RFX3: variants seen among roughly 807,000 people sequenced by gnomAD.
RFX3 encodes the protein transcription factor RFX3.
In RFX3, 14 loss-of-function variants were observed where a neutral mutation model predicts 98.6. The ratio of observed to expected loss-of-function variants is 0.14; its 90% CI spans 0.09 to 0.22. The LOEUF is 0.22. Ranked by LOEUF, RFX3 falls within the 10% of genes least tolerant of loss-of-function variation. The pLI is 1.00. For synonymous variants in RFX3, 383 were observed against 328.4 expected (o/e 1.17, Z -1.80); for missense variants, 639 against 926.9 (o/e 0.69, Z 4.03).
chr9:3,393,530 C>T (rs1159212698), intron 2 of RFX3, among the ~76,000 whole-genome samples: 1 of 151,734 alleles, frequency 6.6e-6, no homozygotes, highest in Non-Finnish European at 1.5e-5. Context: ...TTCAACATTG[C>T]CTTTAAAAAG....
rs185898940 is a variant in RFX3 at position 3,523,994 on chromosome 9, C to A, written c.-9+1753G>T. Among the ~76,000 whole-genome samples, 265 of 152,216 alleles carry A rather than the reference C, an allele frequency of 1.7e-3. 2 individuals are homozygous for A. Among genetic ancestry groups the A allele is most frequent in the Middle Eastern group, 3.4e-3 (1 of 294 alleles). On this transcript the variant is annotated intron_variant, in intron 1 of 16. Coordinates refer to ENST00000617270, the MANE Select transcript of RFX3 (RefSeq NM_001282116.2). ...CCTTAATAGCATTATAATTACCCAC[C>A]CTGCTCGTTGACAATCTCAAGAATA...
chr9:3,251,952 G>A (rs1473750691), intron 14 of RFX3, among the ~76,000 whole-genome samples: 1 of 151,996 alleles, frequency 6.6e-6, no homozygotes, highest in Admixed American at 6.6e-5. Flanking sequence ...GGGTTCAAGC[G>A]ATTCTCCTGC....
At chr9:3,367,051 C>T (rs1431986828) in intron 2 of RFX3, among the ~76,000 whole-genome samples, 1 of 151,872 alleles carries the variant, frequency 6.6e-6, no homozygotes, top group Non-Finnish European at 1.5e-5. Context: ...TCTAAAAATG[C>T]CTCCCCCTCA....
chr9:3,265,234 C>G (rs551754716), intron 12 of RFX3, among the ~76,000 whole-genome samples: 1 of 152,250 alleles, frequency 6.6e-6, no homozygotes, highest in African/African-American at 2.4e-5. Context: ...ATTTAAAATT[C>G]TAATTTAAAT....
rs144563586 is a variant in RFX3 at position 3,317,099 on chromosome 9, T to C, written c.474+13160A>G. 9.7e-3 allele frequency among the ~76,000 whole-genome samples: 1,481 copies of C among 152,200 alleles called. 16 individuals carry two copies. Among genetic ancestry groups the C allele is most frequent in the African/African-American group, 0.034 (1,400 of 41,544 alleles). ...CAAAAGAACAAAGCTGGAGGCATCA[T>C]GCTACCTGACTTCAAACTATACTAC... is the stretch of plus-strand genomic sequence containing the variant. On this transcript the variant is annotated intron_variant, in intron 4 of 16. Coordinates refer to ENST00000617270, the MANE Select transcript of RFX3 (RefSeq NM_001282116.2).
intron 2 of RFX3, among the ~76,000 whole-genome samples, chr9:3,374,568 G>A (rs1838237856): frequency 6.6e-6 from 1 of 152,148 alleles, no homozygotes; most frequent in African/African-American, 2.4e-5. Context: ...CTACAACACG[G>A]ATGAACTTTG....
At chr9:3,424,057 G>C (rs191736938) in intron 1 of RFX3, among the ~76,000 whole-genome samples, 1,696 of 151,062 alleles carry the variant, frequency 0.011, 35 homozygotes, top group African/African-American at 0.039. Flanking sequence ...TGAGGCAGGA[G>C]AATGACGTGA....
At position 3,524,446 on chromosome 9, in the gene RFX3, G is replaced by C. The variant is rs942767359; in HGVS notation, c.-9+1301C>G. On this transcript the variant is annotated intron_variant, in intron 1 of 16. Coordinates refer to ENST00000617270, the MANE Select transcript of RFX3 (RefSeq NM_001282116.2). ...AATATGTTAAGTACACACATGCCTA[G>C]ATCTTAACCAGAAAGAAAGTGAAAT... 1.0e-5 allele frequency: 9 copies of C among 867,638 alleles called. No individual in the cohort carries two copies. In the African/African-American group the frequency reaches 1.1e-4, roughly 11 times the overall value. 53.7% of individuals were successfully genotyped at this position (867,638 alleles called of 1,614,324 possible).
chr9:3,256,721 G>A (rs1009479312), intron 14 of RFX3, among the ~76,000 whole-genome samples: 7 of 152,148 alleles, frequency 4.6e-5, no homozygotes, highest in Non-Finnish European at 8.8e-5. Context: ...TATCTAGACT[G>A]GAATCTCAGA....
At chr9:3,457,681 T>G (rs945519753) in intron 1 of RFX3, among the ~76,000 whole-genome samples, 5 of 152,174 alleles carry the variant, frequency 3.3e-5, no homozygotes, top group Admixed American at 2.0e-4. Context: ...TTATAAGACA[T>G]TTGTATTTGT....
intron 1 of RFX3, among the ~76,000 whole-genome samples, chr9:3,416,452 G>C (rs1016090639): frequency 1.3e-5 from 2 of 152,100 alleles, no homozygotes; most frequent in African/African-American, 2.4e-5. Context: ...CTGATCCTCA[G>C]TGTTCTCATC....
At chr9:3,505,249 TATGA>T (rs1816862590) in intron 1 of RFX3, among the ~76,000 whole-genome samples, 1 of 74,110 alleles carries the variant, frequency 1.3e-5, no homozygotes, top group Non-Finnish European at 2.0e-5. Flanking sequence ...TTTATATATA[TATGA>T]ATATATATTT....
At position 3,485,852 on chromosome 9, in the gene RFX3, C is replaced by T. The variant is rs1018257150; in HGVS notation, c.-9+39895G>A. ...AAGAATAATAGATATTGGCTGAGTG[C>T]AGTGGCTCACACCTGTAATCCCAAC... On this transcript the variant is annotated intron_variant, in intron 1 of 16. Coordinates refer to ENST00000617270, the MANE Select transcript of RFX3 (RefSeq NM_001282116.2). Among the ~76,000 whole-genome samples, 58 of 152,044 alleles carry T rather than the reference C, an allele frequency of 3.8e-4. 1 individual carries two copies. Among genetic ancestry groups the T allele is most frequent in the Admixed American group, 1.2e-3 (18 of 15,262 alleles).
intron 1 of RFX3, among the ~76,000 whole-genome samples, chr9:3,521,763 T>C (rs1350752589): frequency 6.6e-6 from 1 of 152,090 alleles, no homozygotes; most frequent in African/African-American, 2.4e-5. Flanking sequence ...TTCCAACATA[T>C]AAAAAATGCT....
intron 7 of RFX3, among the ~76,000 whole-genome samples, chr9:3,280,019 AG>A (rs1482906118): frequency 6.6e-6 from 1 of 151,832 alleles, no homozygotes; most frequent in African/African-American, 2.4e-5. Context: ...GTTGAAATAA[AG>A]AAAAACACAG....
chr9:3,356,610 C>A (rs983888039), intron 2 of RFX3, among the ~76,000 whole-genome samples: 1 of 151,808 alleles, frequency 6.6e-6, no homozygotes, highest in Admixed American at 6.6e-5. Context: ...ACAACAGAAC[C>A]TCTCCCAACT....
At chr9:3,488,865 C>T in intron 1 of RFX3, 1 of 984,714 alleles carries the variant, frequency 1.0e-6, no homozygotes, top group Non-Finnish European at 1.2e-6. Context: ...TGTTTATCTT[C>T]CCAAAGAAAC....
chr9:3,449,840 C>A (rs543041783), intron 1 of RFX3, among the ~76,000 whole-genome samples: 2 of 151,014 alleles, frequency 1.3e-5, no homozygotes, highest in African/African-American at 4.9e-5. Context: ...TGCACTCCAG[C>A]CTGGGCAACT....
chr9:3,246,225 G>C (rs1820648079), intron 15 of RFX3, among the ~76,000 whole-genome samples: 1 of 151,952 alleles, frequency 6.6e-6, no homozygotes, highest in African/African-American at 2.4e-5. Flanking sequence ...TTTAAATTTA[G>C]ATTTTACGTA....
Sources: allele counts gnomAD v4.1 joint callset (sites outside exome capture counted in the v4.1 genomes callset), GRCh38; gene constraint gnomAD v4.1.1; transcripts MANE v1.5; gene names NCBI Gene and HGNC (gene_info 2026-07-23, HGNC 2026-07-21).